Variants in CAMK2D observed in about 807,000 individuals in gnomAD.
CAMK2D encodes the protein calcium/calmodulin-dependent protein kinase type II subunit delta.
In CAMK2D, 37 loss-of-function variants were observed where a neutral mutation model predicts 84.0. The observed-to-expected ratio is 0.44, with a 90% CI of 0.34 to 0.58. CAMK2D has a LOEUF of 0.58. CAMK2D is among the 20% of genes least tolerant of loss of function. The pLI is 0.02. For synonymous variants in CAMK2D, 202 were observed against 212.5 expected (o/e 0.95, Z 0.43); for missense variants, 448 against 652.5 (o/e 0.69, Z 3.41).
intron 4 of CAMK2D, among the ~76,000 whole-genome samples, chr4:113,595,837 T>C (rs1361656486): frequency 2.0e-5 from 3 of 152,214 alleles, no homozygotes; most frequent in Non-Finnish European, 4.4e-5. Flanking sequence ...CGCCTCAGTG[T>C]TGATGGTGCT....
At chr4:113,565,275 T>A (rs1489187688) in intron 4 of CAMK2D, among the ~76,000 whole-genome samples, 2 of 152,084 alleles carry the variant, frequency 1.3e-5, no homozygotes, top group African/African-American at 2.4e-5. Context: ...TTACAACAAA[T>A]TAAAGAGGGC....
At chr4:113,701,194 T>C (rs2099416450) in intron 2 of CAMK2D, among the ~76,000 whole-genome samples, 2 of 152,228 alleles carry the variant, frequency 1.3e-5, no homozygotes, top group South Asian at 4.1e-4. Context: ...ATAAAGCCTT[T>C]TGGGCAATCT....
At chr4:113,524,031 G>A (rs146287564) in intron 8 of CAMK2D, among the ~76,000 whole-genome samples, 94 of 151,938 alleles carry the variant, frequency 6.2e-4, no homozygotes, top group African/African-American at 2.0e-3. Flanking sequence ...TACCATGCCC[G>A]GCTAATTTTT....
At chr4:113,692,691 T>C (rs908689800) in intron 2 of CAMK2D, among the ~76,000 whole-genome samples, 6 of 151,998 alleles carry the variant, frequency 3.9e-5, no homozygotes, top group Admixed American at 2.0e-4. Flanking sequence ...CATACATACA[T>C]ACATATATTC....
At chr4:113,737,993 C>T (rs1257701814) in intron 2 of CAMK2D, among the ~76,000 whole-genome samples, 3 of 152,026 alleles carry the variant, frequency 2.0e-5, no homozygotes, top group Non-Finnish European at 4.4e-5. Context: ...GGTAAACATG[C>T]GCCTAAGACA....
intron 6 of CAMK2D, among the ~76,000 whole-genome samples, chr4:113,543,188 T>C (rs1037362682): frequency 6.6e-6 from 1 of 152,212 alleles, no homozygotes; most frequent in African/African-American, 2.4e-5. Flanking sequence ...ATAGAAATTG[T>C]ATTCTCCAGG....
At chr4:113,583,293 T>C (rs749210594) in intron 4 of CAMK2D, among the ~76,000 whole-genome samples, 18 of 152,182 alleles carry the variant, frequency 1.2e-4, no homozygotes, top group Non-Finnish European at 2.1e-4. Context: ...TTTATGAGCA[T>C]TGGATGTATT....
At chr4:113,595,257 TA>T (rs368707418) in intron 4 of CAMK2D, among the ~76,000 whole-genome samples, 6,071 of 152,246 alleles carry the variant, frequency 0.04, 354 homozygotes, top group East Asian at 0.19. Flanking sequence ...AAGAAATGTT[TA>T]AAACAAAGTT....
chr4:113,494,758 T>C (rs2097903617), intron 16 of CAMK2D, among the ~76,000 whole-genome samples: 1 of 152,160 alleles, frequency 6.6e-6, no homozygotes, highest in African/African-American at 2.4e-5. Flanking sequence ...GCCTTGCAGT[T>C]TGATCTCAGA....
chr4:113,704,272 T>A (rs1353544942), intron 2 of CAMK2D, among the ~76,000 whole-genome samples: 2 of 152,162 alleles, frequency 1.3e-5, no homozygotes, highest in African/African-American at 4.8e-5. Context: ...GAAAATAAGA[T>A]AATCTGCAAT....
At chr4:113,690,776 T>C (rs2099384904) in intron 2 of CAMK2D, among the ~76,000 whole-genome samples, 1 of 152,234 alleles carries the variant, frequency 6.6e-6, no homozygotes, top group African/African-American at 2.4e-5. Flanking sequence ...GATTTCATTA[T>C]GCACTGTGCA....
chr4:113,711,094 T>A (rs2099490826), intron 2 of CAMK2D, among the ~76,000 whole-genome samples: 1 of 150,590 alleles, frequency 6.6e-6, no homozygotes, highest in African/African-American at 2.4e-5. Context: ...AATTTTAGAT[T>A]TCAATGAATT....
chr4:113,692,620 ACATT>A (rs1242795889), intron 2 of CAMK2D, among the ~76,000 whole-genome samples: 2 of 152,008 alleles, frequency 1.3e-5, no homozygotes, highest in Non-Finnish European at 2.9e-5. Flanking sequence ...ATATAGTCAC[ACATT>A]CATATATTCA....
chr4:113,683,896 T>C (rs1348974201), intron 2 of CAMK2D, among the ~76,000 whole-genome samples: 1 of 152,202 alleles, frequency 6.6e-6, no homozygotes, highest in African/African-American at 2.4e-5. Flanking sequence ...AGAGTATAGA[T>C]TTTAGAGTTA....
chr4:113,743,525 T>C (rs547815043), intron 2 of CAMK2D, among the ~76,000 whole-genome samples: 8 of 152,292 alleles, frequency 5.3e-5, no homozygotes, highest in Admixed American at 5.2e-4. Context: ...ATTTCTCTTC[T>C]TCTCAGCAGA....
intron 2 of CAMK2D, among the ~76,000 whole-genome samples, chr4:113,685,239 C>CTTTTT (rs568703311): frequency 1.4e-3 from 192 of 137,612 alleles, no homozygotes; most frequent in African/African-American, 4.6e-3. Context: ...TTTCAGACTT[C>CTTTTT]TTTTTTTTTT....
At chr4:113,461,396 C>G (rs2097371434) in intron 17 of CAMK2D, among the ~76,000 whole-genome samples, 1 of 152,068 alleles carries the variant, frequency 6.6e-6, no homozygotes, top group Non-Finnish European at 1.5e-5. Context: ...AAAATTTGAG[C>G]TGGGCTTTGA....
chr4:113,669,573 G>C (rs72893997), intron 2 of CAMK2D, among the ~76,000 whole-genome samples: 1 of 152,118 alleles, frequency 6.6e-6, no homozygotes. Flanking sequence ...TATACCCTTC[G>C]TAGCTCTACC....
intron 2 of CAMK2D, among the ~76,000 whole-genome samples, chr4:113,683,186 G>A (rs1349461078): frequency 6.6e-6 from 1 of 152,112 alleles, no homozygotes; most frequent in African/African-American, 2.4e-5. Flanking sequence ...TCAACTCCAG[G>A]TAATAGGCTG....
Sources: allele counts gnomAD v4.1 joint callset (sites outside exome capture counted in the v4.1 genomes callset), GRCh38; gene constraint gnomAD v4.1.1; transcripts MANE v1.5; gene names NCBI Gene and HGNC (gene_info 2026-07-23, HGNC 2026-07-21).